DSCAM: variants seen among roughly 807,000 people sequenced by gnomAD.
DSCAM encodes cell adhesion molecule DSCAM.
DSCAM carries 47 observed loss-of-function variants against 217.7 expected under a neutral mutation model. The ratio of observed to expected loss-of-function variants is 0.22; its 90% confidence interval spans 0.17 to 0.28. The LOEUF is 0.28. DSCAM is among the 10% of genes least tolerant of loss of function. The probability of loss-of-function intolerance (pLI) is 1.00; values close to 1 mark genes in which losing one functional copy is unlikely to be tolerated. For missense variants in DSCAM, 2,080 were observed against 2,618.3 expected (o/e 0.79, Z 4.49); for synonymous variants, 1,056 against 1,015.3 (o/e 1.04, Z -0.76).
intron 3 of DSCAM, among the ~76,000 whole-genome samples, chr21:40,543,484 G>A (rs935267007): frequency 1.3e-5 from 2 of 152,128 alleles, no homozygotes; most frequent in Non-Finnish European, 2.9e-5. Context: ...CGACCCTCTA[G>A]GGGAATGCAT....
intron 16 of DSCAM, among the ~76,000 whole-genome samples, chr21:40,152,505 C>T (rs533760745): frequency 3.1e-4 from 47 of 152,340 alleles, no homozygotes; most frequent in African/African-American, 1.1e-3. Context: ...CTCCCCCTTC[C>T]TAGCCTGGCA....
At chr21:40,846,573 G>T in intron 1 of DSCAM, 46 bp downstream of exon 1, 1 of 433,932 alleles carries the variant, frequency 2.3e-6, no homozygotes, top group African/African-American at 8.5e-5. Flanking sequence ...CCGCCCCCCC[G>T]GTCAATGATA....
At chr21:40,472,967 G>A (rs1376011797) in intron 3 of DSCAM, among the ~76,000 whole-genome samples, 1 of 152,142 alleles carries the variant, frequency 6.6e-6, no homozygotes, top group Non-Finnish European at 1.5e-5. Flanking sequence ...AGGTCATATG[G>A]GTCAGCCCTC....
intron 3 of DSCAM, among the ~76,000 whole-genome samples, chr21:40,455,398 T>TA (rs931405237): frequency 6.6e-6 from 1 of 151,836 alleles, no homozygotes; most frequent in Non-Finnish European, 1.5e-5. Context: ...AATTAAAAAA[T>TA]AAAAAAACTG....
chr21:40,581,293 C>A (rs137929712), intron 3 of DSCAM, among the ~76,000 whole-genome samples: 1 of 152,302 alleles, frequency 6.6e-6, no homozygotes, highest in Non-Finnish European at 1.5e-5. Context: ...GTTCCATGGG[C>A]TGAGCAGCTG....
At chr21:40,650,401 T>A (rs945438436) in intron 3 of DSCAM, among the ~76,000 whole-genome samples, 24 of 152,258 alleles carry the variant, frequency 1.6e-4, no homozygotes, top group Admixed American at 6.5e-5. Flanking sequence ...GGTTAAGAGA[T>A]GCCCAGATAA....
chr21:40,682,593 GAGAA>G (rs1425890721), intron 3 of DSCAM, among the ~76,000 whole-genome samples: 5 of 115,804 alleles, frequency 4.3e-5, no homozygotes, highest in African/African-American at 2.1e-4. Flanking sequence ...GAAAGAGAGA[GAGAA>G]AGAGAGAAAG....
At chr21:40,353,433 A>G in intron 5 of DSCAM, 32 bp downstream of exon 5, 1 of 1,588,412 alleles carries the variant, frequency 6.3e-7, no homozygotes, top group Non-Finnish European at 8.5e-7. Flanking sequence ...ATGGAAGCCA[A>G]CACCACCTTT....
At chr21:40,278,721 G>A (rs2073721501) in intron 10 of DSCAM, among the ~76,000 whole-genome samples, 1 of 152,044 alleles carries the variant, frequency 6.6e-6, no homozygotes, top group Non-Finnish European at 1.5e-5. Flanking sequence ...AAAACAAGTG[G>A]AAGAGGAGGA....
chr21:40,447,948 C>T (rs536077010), intron 3 of DSCAM, among the ~76,000 whole-genome samples: 1 of 152,148 alleles, frequency 6.6e-6, no homozygotes, highest in Non-Finnish European at 1.5e-5. Context: ...CATTTTTGAT[C>T]AATTAGATAT....
chr21:40,025,005 G>C (rs1388726728), intron 32 of DSCAM, among the ~76,000 whole-genome samples: 1 of 105,972 alleles, frequency 9.4e-6, no homozygotes, highest in Non-Finnish European at 2.0e-5. Context: ...TTGGCTGTGG[G>C]TTTGTCATAG....
chr21:40,326,052 C>A (rs985055597), intron 8 of DSCAM, among the ~76,000 whole-genome samples: 3 of 151,782 alleles, frequency 2.0e-5, no homozygotes, highest in African/African-American at 7.3e-5. Context: ...AATAAGGATG[C>A]CAGAAAATTA....
At chr21:40,062,989 G>T (rs761002553) in intron 27 of DSCAM, 90 bp from the exon 28 acceptor site, 56 of 1,199,914 alleles carry the variant, frequency 4.7e-5, no homozygotes, top group Admixed American at 5.8e-5. Context: ...AGTCAGATCA[G>T]AACAGTCATT....
In DSCAM at chr21:40,438,340, T is replaced by C. The variant is rs1373696905; in HGVS notation, c.509-69095A>G. On this transcript the variant is annotated intron_variant, in intron 3 of 32. Coordinates refer to ENST00000400454, the MANE Select transcript of DSCAM (RefSeq NM_001389.5). ...CAACGATCATGTGTTATGTTAATCTTGGTATCTTGGAGGTCTAGAACAGTT... is the reference window on the plus strand; with the variant it reads ...CAACGATCATGTGTTATGTTAATCTCGGTATCTTGGAGGTCTAGAACAGTT... 2.6e-5 allele frequency among the ~76,000 whole-genome samples: 4 copies of C among 152,368 alleles called. No homozygotes were observed. In the South Asian group the frequency reaches 6.2e-4, roughly 24 times the overall value.
At chr21:40,454,230 G>A (rs2075745158) in intron 3 of DSCAM, among the ~76,000 whole-genome samples, 1 of 152,202 alleles carries the variant, frequency 6.6e-6, no homozygotes, top group East Asian at 1.9e-4. Context: ...AGTTATGAAA[G>A]GCAGTATAAT....
At chr21:40,283,087 T>C (rs1185814934) in intron 10 of DSCAM, among the ~76,000 whole-genome samples, 2 of 152,232 alleles carry the variant, frequency 1.3e-5, no homozygotes, top group Admixed American at 6.5e-5. Context: ...CTATGAGGAC[T>C]ACAGTTCCAA....
chr21:40,695,130 A>G (rs1393641661), intron 2 of DSCAM, among the ~76,000 whole-genome samples: 1 of 152,200 alleles, frequency 6.6e-6, no homozygotes, highest in Non-Finnish European at 1.5e-5. Flanking sequence ...TCAAACATTA[A>G]TGACTCAAGT....
intron 1 of DSCAM, among the ~76,000 whole-genome samples, chr21:40,796,278 C>A (rs930139571): frequency 2.6e-5 from 4 of 152,158 alleles, no homozygotes; most frequent in Admixed American, 1.3e-4. Flanking sequence ...CAAATCCGAG[C>A]AGAAGTTTTA....
intron 27 of DSCAM, among the ~76,000 whole-genome samples, chr21:40,067,610 A>G (rs1234700417): frequency 6.6e-6 from 1 of 152,158 alleles, no homozygotes; most frequent in Non-Finnish European, 1.5e-5. Context: ...CCTCCACATA[A>G]TGGCTAATAC....
Sources: gnomAD v4.1 joint callset for allele counts (sites outside exome capture counted in the v4.1 genomes callset) on GRCh38, gnomAD v4.1.1 for gene constraint, MANE v1.5 for transcripts, NCBI Gene and HGNC (gene_info 2026-07-23, HGNC 2026-07-21) for gene names.